The following CUL2 variants were observed in gnomAD, a reference collection of about 807,000 sequenced individuals.
CUL2 encodes cullin 2, also known as cullin-2.
Under a neutral mutation model 110.2 loss-of-function variants are expected in CUL2, and 22 were observed. The ratio of observed to expected loss-of-function variants is 0.20; its 90% CI spans 0.14 to 0.28. The LOEUF is 0.28. Among genes scored for constraint, CUL2 ranks in the 10% least tolerant of loss-of-function variants. The probability of loss-of-function intolerance (pLI) is 1.00; values close to 1 mark genes in which losing one functional copy is unlikely to be tolerated. For missense variants in CUL2, 631 were observed against 905.5 expected, an observed-to-expected ratio of 0.70 and a Z score of 3.89; for synonymous variants, 279 against 293.2, an observed-to-expected ratio of 0.95 and a Z score of 0.49.
intron 3 of CUL2, 96 bp from the exon 4 acceptor site, chr10:35,061,064 A>G (rs2086368747): frequency 7.8e-7 from 1 of 1,287,044 alleles, no homozygotes; most frequent in African/African-American, 1.5e-5. Flanking sequence ...AAAATAATTT[A>G]CATAATTCTA....
At chr10:35,076,484 G>A (rs1394195080) in intron 1 of CUL2, among the ~76,000 whole-genome samples, 1 of 152,008 alleles carries the variant, frequency 6.6e-6, no homozygotes, top group Non-Finnish European at 1.5e-5. Flanking sequence ...GCAATTTAAC[G>A]GGGATGAGGT....
intron 17 of CUL2, among the ~76,000 whole-genome samples, chr10:35,021,913 A>AGGTGGGGCG (rs1322020013): frequency 4.6e-5 from 6 of 131,382 alleles, no homozygotes; most frequent in Admixed American, 1.6e-4. Flanking sequence ...AGGTGGGGCG[A>AGGTGGGGCG]AGTGGGGCGA....
chr10:35,046,065 C>G (rs1328272813), intron 6 of CUL2, among the ~76,000 whole-genome samples: 2 of 152,114 alleles, frequency 1.3e-5, no homozygotes, highest in Non-Finnish European at 2.9e-5. Context: ...TGCCTCTGAA[C>G]CCCTCTAGTC....
intron 5 of CUL2, 40 bp from the exon 6 acceptor site, chr10:35,049,805 A>C (rs1186985518): frequency 1.5e-6 from 2 of 1,365,580 alleles, no homozygotes; most frequent in South Asian, 2.4e-5. Context: ...TGAATTACTT[A>C]GTATATGTTT....
chr10:35,020,517 T>C (rs1452202072), intron 17 of CUL2, among the ~76,000 whole-genome samples: 2 of 152,214 alleles, frequency 1.3e-5, no homozygotes, highest in Non-Finnish European at 2.9e-5. Context: ...TGGCAAACAC[T>C]AGTAACTACC....
rs2084819562 is a variant in CUL2 at position 35,008,629 on chromosome 10, A to AT, written c.*1681dup. 6.6e-6 allele frequency: 1 copy of AT among 152,234 alleles called. No homozygotes were observed. Among genetic ancestry groups the AT allele is most frequent in the South Asian group, 2.1e-4 (1 of 4,832 alleles). The allele number at this position is 152,234 out of a possible 1,614,324, so 9.4% of individuals were successfully genotyped here. ...TTTGACAGTGAATGTACAATATTAT[A>AT]TGGTTTGCCATTATTTCCTCTTTTG... On this transcript the variant is annotated 3_prime_UTR_variant, in exon 21 of 21. Transcript: ENST00000374749.
At position 35,062,972 on chromosome 10, in the gene CUL2, C is replaced by T. The variant is rs1414021621; in HGVS notation, c.210G>A (p.Arg70=). The change falls in exon 3 of 21, where the codon CGG becomes CGA. Residue 70 remains arginine (R), a synonymous_variant. Coordinates refer to ENST00000374749, the MANE Select transcript of CUL2 (RefSeq NM_003591.4). ...ETKIFLENHV[R]HLHKRVLESE... Reference sequence around the variant, plus strand: ...TATCATTGCTTACCTTATGCAAATGCCGAACATGATTTTCCAAAAAAATCT... The same window carrying T: ...TATCATTGCTTACCTTATGCAAATGTCGAACATGATTTTCCAAAAAAATCT... 3.2e-6 allele frequency: 5 copies of T among 1,586,916 alleles called. No individual in the cohort carries two copies. The highest frequency in any genetic ancestry group is 4.3e-6 in the Non-Finnish European group (5 of 1,155,838).
intron 1 of CUL2, among the ~76,000 whole-genome samples, chr10:35,085,417 G>A (rs1359838490): frequency 1.3e-5 from 2 of 150,498 alleles, no homozygotes; most frequent in Non-Finnish European, 2.9e-5. Flanking sequence ...GCGACAAAGC[G>A]AGACACCGTC....
intron 1 of CUL2, among the ~76,000 whole-genome samples, chr10:35,121,765 G>A (rs946280133): frequency 6.1e-5 from 9 of 146,914 alleles, no homozygotes; most frequent in South Asian, 2.1e-4. Context: ...AACCATGATC[G>A]CACTACTGTA....
At chr10:35,103,536 G>T (rs547212630) in intron 1 of CUL2, among the ~76,000 whole-genome samples, 1 of 151,988 alleles carries the variant, frequency 6.6e-6, no homozygotes, top group African/African-American at 2.4e-5. Context: ...TGTCAGCCAG[G>T]ATGGTCTCGA....
At chr10:35,087,556 A>T (rs573720307) in intron 1 of CUL2, among the ~76,000 whole-genome samples, 1 of 152,044 alleles carries the variant, frequency 6.6e-6, no homozygotes, top group African/African-American at 2.4e-5. Context: ...CCAACTTAAC[A>T]TGTCCAATCC....
intron 17 of CUL2, among the ~76,000 whole-genome samples, chr10:35,020,704 A>T (rs2085159440): frequency 6.6e-6 from 1 of 152,178 alleles, no homozygotes; most frequent in African/African-American, 2.4e-5. Context: ...TTATACAAAG[A>T]CAGTGTAATG....
At chr10:35,033,762 A>C (rs925202322) in intron 10 of CUL2, among the ~76,000 whole-genome samples, 3 of 150,184 alleles carry the variant, frequency 2.0e-5, no homozygotes, top group African/African-American at 7.3e-5. Flanking sequence ...ACAACAAAAA[A>C]AAAAAAAAAG....
At chr10:35,086,987 CAA>C (rs2087081223) in intron 1 of CUL2, among the ~76,000 whole-genome samples, 1 of 152,154 alleles carries the variant, frequency 6.6e-6, no homozygotes, top group Admixed American at 6.5e-5. Context: ...TGTTTGGCTC[CAA>C]GGAAAGCTGG....
At chr10:35,047,887 A>G (rs937390160) in intron 6 of CUL2, among the ~76,000 whole-genome samples, 1 of 151,990 alleles carries the variant, frequency 6.6e-6, no homozygotes, top group Admixed American at 6.6e-5. Flanking sequence ...CCTAGTAGAC[A>G]GAGTGGGAAT....
intron 1 of CUL2, among the ~76,000 whole-genome samples, chr10:35,125,444 TA>T (rs1332228599): frequency 6.6e-6 from 1 of 152,230 alleles, no homozygotes; most frequent in African/African-American, 2.4e-5. Flanking sequence ...GAACTCCTGT[TA>T]CAGAGACAAT....
chr10:35,044,470 C>G (rs2085883851), intron 8 of CUL2, 96 bp downstream of exon 8: 1 of 676,982 alleles, frequency 1.5e-6, no homozygotes, highest in Non-Finnish European at 2.3e-6. Context: ...AATATTTTTC[C>G]ACCAAGAAAC....
At chr10:35,078,353 T>C (rs1042934306) in intron 1 of CUL2, among the ~76,000 whole-genome samples, 1 of 151,654 alleles carries the variant, frequency 6.6e-6, no homozygotes, top group Non-Finnish European at 1.5e-5. Flanking sequence ...TGGAGTGCAA[T>C]GGCATGATCT....
At chr10:35,106,155 T>C (rs2087452455) in intron 1 of CUL2, among the ~76,000 whole-genome samples, 1 of 152,136 alleles carries the variant, frequency 6.6e-6, no homozygotes, top group Admixed American at 6.6e-5. Flanking sequence ...ATTAGTGCCT[T>C]TACAAAAGAG....
Sources: gnomAD v4.1 joint callset for allele counts (sites outside exome capture counted in the v4.1 genomes callset) on GRCh38, gnomAD v4.1.1 for gene constraint, MANE v1.5 for transcripts, NCBI Gene and HGNC (gene_info 2026-07-23, HGNC 2026-07-21) for gene names.